DST: variants seen among roughly 807,000 people sequenced by gnomAD.
DST encodes the protein bullous pemphigoid antigen.
DST carries 253 observed loss-of-function variants against 875.2 expected under a neutral mutation model. That is an observed-to-expected ratio of 0.29 (90% CI 0.26 to 0.32). The LOEUF is 0.32. DST is among the 10% of genes least tolerant of loss of function. The pLI, the probability that DST is intolerant of heterozygous loss-of-function variation, is 1.00. For synonymous variants in DST, 3,124 were observed against 3,197.1 expected, an observed-to-expected ratio of 0.98 and a Z score of 0.77; for missense variants, 8,287 against 9,111.6, an observed-to-expected ratio of 0.91 and a Z score of 3.68.
intron 2 of DST, among the ~76,000 whole-genome samples, chr6:56,900,904 A>G: frequency 6.6e-6 from 1 of 151,898 alleles, no homozygotes; most frequent in Non-Finnish European, 1.5e-5. Context: ...AGGGAAAAAA[A>G]GCAGGTGGGC....
chr6:56,501,624 G>A lies in DST; in HGVS notation c.19636C>T (p.Leu6546=), dbSNP rs1220563742. The A allele has an allele frequency of 1.2e-6, 2 of 1,608,566 alleles. No individual in the cohort carries two copies. Among genetic ancestry groups the A allele is most frequent in the East Asian group, 2.3e-5 (1 of 44,432 alleles). Residue 6546 remains leucine, a synonymous_variant, in exon 79 of 104, where the codon CTA becomes TTA. Coordinates refer to ENST00000680361, the MANE Select transcript of DST (RefSeq NM_001374736.1). ...ERLNHQAELL[L]KKVTEESDKH... is the part of the protein sequence containing the mutation. ...TCACTCTCTTCTGTTACTTTCTTTA[G>A]CAAAAGCTCTGCTTGATGATTCAGT... is the stretch of plus-strand genomic sequence containing the variant.
At position 56,940,641 on chromosome 6, in the gene DST, G is replaced by A. The variant is rs115095154; in HGVS notation, c.216+13144C>T. 8.1e-3 allele frequency among the ~76,000 whole-genome samples: 1,223 copies of A among 151,818 alleles called. 17 individuals carry two copies. Among genetic ancestry groups the A allele is most frequent in the African/African-American group, 0.027 (1,136 of 41,402 alleles). ...GTCACCCAGGGCGGAGTGCAGTGGC[G>A]CAATCACAGCTCACTACAACCTTGA... On this transcript the variant is annotated intron_variant, in intron 2 of 103. Coordinates refer to ENST00000680361, the MANE Select transcript of DST (RefSeq NM_001374736.1).
At chr6:56,729,085 T>C (rs1377112210) in intron 5 of DST, among the ~76,000 whole-genome samples, 1 of 152,104 alleles carries the variant, frequency 6.6e-6, no homozygotes, top group Non-Finnish European at 1.5e-5. Flanking sequence ...GTAAACAGTC[T>C]ATCAGTGTTC....
chr6:56,561,192 T>C, intron 57 of DST, 116 bp downstream of exon 57: 1 of 1,155,410 alleles, frequency 8.7e-7, no homozygotes, highest in Non-Finnish European at 1.2e-6. Flanking sequence ...AATTATGTGC[T>C]AAAGGTTACA....
chr6:56,683,145 G>A (rs1293096656), intron 9 of DST, among the ~76,000 whole-genome samples: 1 of 152,094 alleles, frequency 6.6e-6, no homozygotes, highest in Non-Finnish European at 1.5e-5. Context: ...TAGGAAGAAG[G>A]GGGTCTTATA....
chr6:56,490,351 C>T (rs1311860989), intron 85 of DST, among the ~76,000 whole-genome samples: 1 of 152,080 alleles, frequency 6.6e-6, no homozygotes, highest in Admixed American at 6.6e-5. Flanking sequence ...CCAGCAGGTA[C>T]TATTTTCTGA....
At chr6:56,922,114 T>C (rs959222641) in intron 2 of DST, among the ~76,000 whole-genome samples, 1 of 152,218 alleles carries the variant, frequency 6.6e-6, no homozygotes, top group African/African-American at 2.4e-5. Context: ...TGTTTTCCCA[T>C]GCACTGATTC....
At chr6:56,766,275 C>T (rs942957669) in intron 4 of DST, among the ~76,000 whole-genome samples, 1 of 152,192 alleles carries the variant, frequency 6.6e-6, no homozygotes, top group Non-Finnish European at 1.5e-5. Context: ...CTCCCATGTC[C>T]ATGACATTTC....
intron 78 of DST, 48 bp from the exon 79 acceptor site, chr6:56,501,741 C>G (rs371025964): frequency 2.7e-5 from 36 of 1,354,342 alleles, no homozygotes; most frequent in Non-Finnish European, 3.6e-5. Flanking sequence ...AAATCACTAA[C>G]TCCAAACAAA....
At chr6:56,464,398 G>T in intron 100 of DST, 1 of 429,784 alleles carries the variant, frequency 2.3e-6, no homozygotes, top group Non-Finnish European at 4.1e-6. Context: ...GGTAGTCAGT[G>T]ATGCAGCACT....
At chr6:56,686,558 T>A (rs2099188526) in intron 9 of DST, among the ~76,000 whole-genome samples, 1 of 152,216 alleles carries the variant, frequency 6.6e-6, no homozygotes, top group South Asian at 2.1e-4. Context: ...CTAAGAAGGC[T>A]AACAAAGTTT....
intron 63 of DST, 77 bp from the exon 64 acceptor site, chr6:56,532,587 T>C: frequency 7.3e-7 from 1 of 1,364,478 alleles, no homozygotes; most frequent in Admixed American, 2.8e-5. Context: ...TCTAAGTACA[T>C]TTGAAGTATG....
chr6:56,805,999 A>G (rs2099752527), intron 4 of DST, among the ~76,000 whole-genome samples: 2 of 152,218 alleles, frequency 1.3e-5, no homozygotes, highest in Non-Finnish European at 2.9e-5. Flanking sequence ...GGACCCTGAC[A>G]GTGCTGACAT....
Position 56,604,543 on chromosome 6 carries a change from C to G in DST, c.10085G>C (p.Arg3362Thr). Residue 3362 changes from arginine to threonine, a missense_variant, in exon 40 of 104, where the codon AGG becomes ACG. Around this residue, in one of 10 missense-constraint regions of DST, gnomAD observed 3,138 missense variants for 3,116.6 expected, o/e 1.01. Transcript: ENST00000680361. ...VEDVKDILKS[R>T]LKEGHMNPQE... ...AGGGTTCATATGACCTTCTTTCAAC[C>G]TGCTTTTTAAGATATCCTTTACATC... The G allele has an allele frequency of 1.2e-6, 2 of 1,612,316 alleles. No homozygotes were observed. The highest frequency in any genetic ancestry group is 1.7e-6 in the Non-Finnish European group (2 of 1,179,034).
chr6:56,669,559 G>T, intron 10 of DST, among the ~76,000 whole-genome samples: 1 of 148,694 alleles, frequency 6.7e-6, no homozygotes, highest in East Asian at 1.9e-4. Context: ...TCATGCCACT[G>T]CACTCTAGCC....
intron 9 of DST, among the ~76,000 whole-genome samples, chr6:56,694,990 G>A (rs1006306529): frequency 1.3e-5 from 2 of 151,934 alleles, no homozygotes; most frequent in African/African-American, 2.4e-5. Context: ...AGCCAGATGT[G>A]GTGATGCGTG....
chr6:56,934,005 C>T (rs1470976694), intron 2 of DST, among the ~76,000 whole-genome samples: 6 of 152,012 alleles, frequency 3.9e-5, no homozygotes, highest in African/African-American at 1.2e-4. Flanking sequence ...GTCACTATTA[C>T]ATTTTGTTTT....
chr6:56,525,767 C>G (rs921284378), intron 69 of DST, among the ~76,000 whole-genome samples: 1 of 152,194 alleles, frequency 6.6e-6, no homozygotes, highest in African/African-American at 2.4e-5. Flanking sequence ...TCATTGCCCA[C>G]AGTCTTCCCA....
At chr6:56,703,871 C>CA (rs35794687) in intron 6 of DST, 125 bp from the exon 7 acceptor site, 2,678 of 122,400 alleles carry the variant, frequency 0.022, 62 homozygotes, top group African/African-American at 0.061. Context: ...TAATGTTCAC[C>CA]AAAAAAAAAA....
Sources: gnomAD v4.1 joint callset for allele counts (sites outside exome capture counted in the v4.1 genomes callset) on GRCh38, gnomAD v4.1.1 for gene constraint, gnomAD v4.1.1 regional missense constraint, MANE v1.5 for transcripts, NCBI Gene and HGNC (gene_info 2026-07-23, HGNC 2026-07-21) for gene names.